LRCH3: variants seen among roughly 807,000 people sequenced by gnomAD.
LRCH3 encodes the protein DISP complex protein LRCH3.
A neutral mutation model predicts 104.5 loss-of-function variants in LRCH3; 68 were observed. The ratio of observed to expected loss-of-function variants is 0.65; its 90% CI spans 0.54 to 0.80. The LOEUF is 0.80. Among genes scored for constraint, LRCH3 ranks in the 30% least tolerant of loss-of-function variants. LRCH3 has a pLI of 0.00. For synonymous variants in LRCH3, 344 were observed against 361.3 expected, an observed-to-expected ratio of 0.95 and a Z score of 0.54; for missense variants, 951 against 953.9, an observed-to-expected ratio of 1.00 and a Z score of 0.04.
At position 197,884,882 on chromosome 3, in the gene LRCH3, G is replaced by T. The variant is rs570009346; in HGVS notation, c.*1216G>T. On this transcript the variant is annotated 3_prime_UTR_variant, in exon 21 of 21. Coordinates refer to ENST00000425562, the MANE Select transcript of LRCH3 (RefSeq NM_001365715.1). ...CCCGCCTCAGCCTCCCAAAGTGCTG[G>T]GATTACTGGAGTGAGCCATCGGGCC... The T allele has an allele frequency of 2.0e-5, 3 of 152,366 alleles. No homozygotes were observed. In the East Asian group the frequency reaches 5.8e-4, roughly 29 times the overall value. The allele number at this position is 152,366 out of a possible 1,614,324, so 9.4% of individuals were successfully genotyped here. A position where few individuals can be genotyped will look rare whatever the true frequency, so the allele number is the denominator to read the frequency against.
At chr3:197,839,091 T>C (rs1737388207) in intron 9 of LRCH3, among the ~76,000 whole-genome samples, 1 of 152,236 alleles carries the variant, frequency 6.6e-6, no homozygotes, top group Admixed American at 6.5e-5. Flanking sequence ...GAGAAGGAAA[T>C]CTACTTTCTT....
chr3:197,871,187 G>A (rs1712140408), intron 18 of LRCH3, 138 bp from the exon 19 acceptor site: 2 of 673,222 alleles, frequency 3.0e-6, no homozygotes, highest in East Asian at 5.4e-5. Flanking sequence ...TTAAACTTAG[G>A]ATAGAGGGAT....
At position 197,862,743 on chromosome 3, in the gene LRCH3, GTTTGAA is replaced by G. The variant is rs956759034; in HGVS notation, c.1717-2677_1717-2672del. 2.6e-5 allele frequency among the ~76,000 whole-genome samples: 4 copies of G among 152,040 alleles called. No individual in the cohort carries two copies. In the East Asian group the frequency reaches 7.7e-4, roughly 29 times the overall value. On this transcript the variant is annotated intron_variant, in intron 15 of 20. Transcript: ENST00000425562. ...CCTTTTACCAGTTTCTGTTACTCTTGTTTGAATTAAATTTCTTATTTAAATTTCCAT... is the reference window on the plus strand; with the variant it reads ...CCTTTTACCAGTTTCTGTTACTCTTGTTAAATTTCTTATTTAAATTTCCAT...
intron 19 of LRCH3, among the ~76,000 whole-genome samples, chr3:197,875,009 G>A (rs2109543999): frequency 6.8e-6 from 1 of 147,054 alleles, no homozygotes; most frequent in South Asian, 2.1e-4. Context: ...CACAACCTCT[G>A]CCTCCCGGGT....
intron 9 of LRCH3, among the ~76,000 whole-genome samples, chr3:197,837,622 T>C (rs1580732154): frequency 6.6e-6 from 1 of 152,326 alleles, no homozygotes; most frequent in Non-Finnish European, 1.5e-5. Context: ...TTATAATACT[T>C]GTCACATACA....
Position 197,887,325 on chromosome 3 carries a change from T to A in LRCH3, c.*3659T>A, listed in dbSNP as rs1411268896. On this transcript the variant is annotated 3_prime_UTR_variant, in exon 21 of 21. Coordinates refer to ENST00000425562, the MANE Select transcript of LRCH3 (RefSeq NM_001365715.1). ...CTGACCTGAAGCAGAGCCCTTCCCA[T>A]CACTGACAGTGTTGGGGGTTGAGAG... 6.5e-6 allele frequency: 1 copy of A among 153,968 alleles called. No individual in the cohort carries two copies. The highest frequency in any genetic ancestry group is 1.5e-5 in the Non-Finnish European group (1 of 68,850). The allele number at this position is 153,968 out of a possible 1,614,324, so 9.5% of individuals were successfully genotyped here.
At chr3:197,828,033 C>G (rs554781217) in intron 5 of LRCH3, among the ~76,000 whole-genome samples, 1 of 147,102 alleles carries the variant, frequency 6.8e-6, no homozygotes, top group Non-Finnish European at 1.5e-5. Flanking sequence ...GCTGAGATGG[C>G]GCCACTGCAC....
intron 9 of LRCH3, among the ~76,000 whole-genome samples, chr3:197,838,640 T>G (rs956287370): frequency 6.6e-6 from 1 of 152,248 alleles, no homozygotes; most frequent in Non-Finnish European, 1.5e-5. Flanking sequence ...ATTTATAATT[T>G]TATTTTTCAG....
At chr3:197,870,121 C>A in intron 17 of LRCH3, 39 bp from the exon 18 acceptor site, 1 of 1,602,570 alleles carries the variant, frequency 6.2e-7, no homozygotes, top group South Asian at 1.1e-5. Context: ...CCTAGCACTG[C>A]CAGTTGCCTT....
intron 17 of LRCH3, 124 bp from the exon 18 acceptor site, chr3:197,870,036 A>C (rs563741478): frequency 1.1e-6 from 1 of 924,266 alleles, no homozygotes; most frequent in East Asian, 2.4e-5. Context: ...AAAGCGATGC[A>C]CTGTACCTGC....
At chr3:197,814,562 T>C (rs769379481) in intron 1 of LRCH3, among the ~76,000 whole-genome samples, 11 of 152,236 alleles carry the variant, frequency 7.2e-5, no homozygotes, top group Non-Finnish European at 1.6e-4. Context: ...AAGCTTAGAT[T>C]GCCTCATCTT....
chr3:197,796,203 G>A (rs1731196528), intron 1 of LRCH3, among the ~76,000 whole-genome samples: 1 of 152,170 alleles, frequency 6.6e-6, no homozygotes, highest in South Asian at 2.1e-4. Context: ...AGTTATTGGT[G>A]TATGAAGAGG....
chr3:197,816,070 T>C (rs894037089), intron 2 of LRCH3, among the ~76,000 whole-genome samples: 2 of 152,174 alleles, frequency 1.3e-5, no homozygotes, highest in African/African-American at 2.4e-5. Flanking sequence ...AAAAATAATA[T>C]TAGTAGAGAA....
At chr3:197,843,936 T>C (rs1017639952) in intron 10 of LRCH3, among the ~76,000 whole-genome samples, 1 of 152,180 alleles carries the variant, frequency 6.6e-6, no homozygotes, top group Non-Finnish European at 1.5e-5. Context: ...GACAAATATA[T>C]GTAACAAGCA....
chr3:197,793,400 G>A (rs955045367), intron 1 of LRCH3, among the ~76,000 whole-genome samples: 1 of 152,188 alleles, frequency 6.6e-6, no homozygotes, highest in African/African-American at 2.4e-5. Context: ...TAGACGGCAT[G>A]TAAAATTATC....
rs77140529 is a variant in LRCH3 at position 197,868,588 on chromosome 3, T to G, written c.1874-1572T>G. On this transcript the variant is annotated intron_variant, in intron 17 of 20. Transcript: ENST00000425562. ...AGCATTATTCATAATAGCCTGAAAC[T>G]GAATGTCCATCAAGAGAATGGATAA... Among the ~76,000 whole-genome samples, 601 of 152,296 alleles carry G rather than the reference T, an allele frequency of 3.9e-3. 6 individuals are homozygous for G. The highest frequency in any genetic ancestry group is 0.014 in the African/African-American group (569 of 41,554).
chr3:197,880,225 G>T (rs964144964), intron 20 of LRCH3, among the ~76,000 whole-genome samples: 1 of 152,064 alleles, frequency 6.6e-6, no homozygotes, highest in African/African-American at 2.4e-5. Context: ...GATTACAGGT[G>T]TGAGCCACCG....
chr3:197,875,545 T>C (rs1333526637), intron 19 of LRCH3, 153 bp from the exon 20 acceptor site: 2 of 579,072 alleles, frequency 3.5e-6, no homozygotes, highest in African/African-American at 1.9e-5. Flanking sequence ...TCCCAGCTAC[T>C]TGGGAGGCTG....
intron 1 of LRCH3, among the ~76,000 whole-genome samples, chr3:197,807,383 A>C (rs1732626110): frequency 6.6e-6 from 1 of 151,448 alleles, no homozygotes; most frequent in African/African-American, 2.4e-5. Context: ...CGCCCAGCTC[A>C]TTTTTTTGTA....
Sources: gnomAD v4.1 joint callset for allele counts (sites outside exome capture counted in the v4.1 genomes callset) on GRCh38, gnomAD v4.1.1 for gene constraint, MANE v1.5 for transcripts, NCBI Gene and HGNC (gene_info 2026-07-23, HGNC 2026-07-21) for gene names.